SEMA4A: variants seen among roughly 807,000 people sequenced by gnomAD.
SEMA4A encodes semaphorin 4A.
Under a neutral mutation model 72.5 loss-of-function variants are expected in SEMA4A, and 52 were observed. The observed-to-expected ratio is 0.72, with a 90% CI of 0.57 to 0.90. The LOEUF (loss-of-function observed/expected upper bound fraction) is 0.90. Among genes scored for constraint, SEMA4A ranks in the 40% least tolerant of loss-of-function variants. SEMA4A has a pLI of 0.00. For synonymous variants in SEMA4A, 369 were observed against 393.1 expected (o/e 0.94, Z 0.73); for missense variants, 926 against 959.7 (o/e 0.96, Z 0.46).
At chr1:156,172,159 C>T (rs1246593290) in intron 10 of SEMA4A, among the ~76,000 whole-genome samples, 1 of 151,044 alleles carries the variant, frequency 6.6e-6, no homozygotes, top group African/African-American at 2.4e-5. Context: ...TCTCTGTCGC[C>T]CAGGTTGGAG....
intron 3 of SEMA4A, 22 bp from the exon 4 acceptor site, chr1:156,158,048 C>T (rs1490718151): frequency 6.2e-7 from 1 of 1,613,814 alleles, no homozygotes; most frequent in Non-Finnish European, 8.5e-7. Context: ...TTCATCTCGC[C>T]CTCCCAACTC....
At chr1:156,165,368 T>A in intron 10 of SEMA4A, among the ~76,000 whole-genome samples, 1 of 152,160 alleles carries the variant, frequency 6.6e-6, no homozygotes. Context: ...TTTTTCTTTT[T>A]TCTTTTCAAC....
At chr1:156,151,889 C>T (rs950160255), upstream of SEMA4A, among the ~76,000 whole-genome samples, 121 of 144,604 alleles carry the variant, frequency 8.4e-4, 1 homozygote, top group Admixed American at 8.1e-3. Flanking sequence ...TAATGCTGTG[C>T]GGTTGCCCTG....
intron 11 of SEMA4A, among the ~76,000 whole-genome samples, chr1:156,174,477 C>A (rs1655109752): frequency 6.6e-6 from 1 of 152,162 alleles, no homozygotes; most frequent in Non-Finnish European, 1.5e-5. Context: ...GCCAGGTAGA[C>A]CTCACTGAGG....
At chr1:156,162,277 A>G (rs1324047794) in intron 9 of SEMA4A, among the ~76,000 whole-genome samples, 1 of 152,222 alleles carries the variant, frequency 6.6e-6, no homozygotes, top group East Asian at 1.9e-4. Flanking sequence ...ATAAATAAAA[A>G]TAAAGTCATT....
rs1653797381 is a variant in SEMA4A, at chr1:156,162,937, T to C, written c.984-7T>C. 4 of 1,613,416 alleles carry C rather than the reference T, an allele frequency of 2.5e-6. No homozygotes were observed. The highest frequency in any genetic ancestry group is 2.5e-6 in the Non-Finnish European group (3 of 1,179,998). ...CCACAGACAATGTTCCCTCTGGCTG[T>C]CTCCAGGCAGGTTGGCGGGACCAGG... On this transcript the variant is annotated splice_region_variant and splice_polypyrimidine_tract_variant and intron_variant, in intron 9 of 14. Transcript: ENST00000368285.
Position 156,161,486 on chromosome 1 carries a change from TC to T in SEMA4A, c.955del (p.His319ThrfsTer39). 1 of 1,613,796 alleles carries T rather than the reference TC, an allele frequency of 6.2e-7. No individual in the cohort carries two copies. ...TGCTCCCCGCCGATTCTCCCACAGC[TC>T]CCCACATCTACGCAGTCTTCACCTC... ...VLLPADSPTA[P>X]HIYAVFTSQW... On this transcript the variant is annotated frameshift_variant, in exon 9 of 15. Coordinates refer to ENST00000368285, the MANE Select transcript of SEMA4A (RefSeq NM_022367.4). LOFTEE classifies it high-confidence loss of function.
intron 14 of SEMA4A, 37 bp downstream of exon 14, chr1:156,175,693 G>A (rs1013388738): frequency 1.4e-6 from 2 of 1,473,772 alleles, no homozygotes; most frequent in Non-Finnish European, 1.9e-6. Context: ...AGGTGCAAAG[G>A]CTCTGGAAGA....
At position 156,163,040 on chromosome 1, in the gene SEMA4A, A is replaced by C. The variant is rs760758800; in HGVS notation, c.1080A>C (p.Glu360Asp). ...GGAAATACAAAGAGTTGAACAAAGA[A>C]ACTTCACGCTGGACTACTTATAGGG... is the stretch of plus-strand genomic sequence containing the variant. The part of the protein sequence containing the change: ...FKGKYKELNK[E>D]TSRWTTYRGP... Residue 360 changes from glutamate (E) to aspartate (D), a missense_variant, in exon 10 of 15, where the codon GAA (glutamate) becomes GAC (aspartate). By Grantham distance (45) the Glu-to-Asp change is conservative. Transcript: ENST00000368285. 6.2e-7 allele frequency: 1 copy of C among 1,614,166 alleles called. No individual in the cohort carries two copies. The highest frequency in any genetic ancestry group is 2.2e-5 in the East Asian group (1 of 44,878).
At chr1:156,174,282 T>C (rs1655093384) in intron 11 of SEMA4A, among the ~76,000 whole-genome samples, 1 of 152,236 alleles carries the variant, frequency 6.6e-6, no homozygotes, top group Admixed American at 6.5e-5. Flanking sequence ...CAGCTGTGCA[T>C]GTATTGGGTA....
At position 156,156,619 on chromosome 1, in the gene SEMA4A, G is replaced by C; in HGVS notation, c.300+45G>C. 1.2e-6 allele frequency: 2 copies of C among 1,606,836 alleles called. 1 individual carries two copies. The highest frequency in any genetic ancestry group is 2.2e-5 in the South Asian group (2 of 90,700). ...AGAGTGTGGGCTGGGAGTGAAGAGG[G>C]GGCCGGCAGCTACCCTGGGCTTGGC... is the stretch of plus-strand genomic sequence containing the variant. On this transcript the variant is annotated intron_variant, in intron 3 of 14. Transcript: ENST00000368285.
upstream of SEMA4A, among the ~76,000 whole-genome samples, chr1:156,148,805 T>C (rs77610347): frequency 0.016 from 2,422 of 148,352 alleles, 41 homozygotes; most frequent in Admixed American, 0.042. Context: ...TTTTTTCTTT[T>C]TTTTTTTTTT....
rs1184945935 is a variant in SEMA4A at position 156,157,404 on chromosome 1, G to A, written c.301-666G>A. On this transcript the variant is annotated intron_variant, in intron 3 of 14. Transcript: ENST00000368285. The surrounding 1 kb of genome is among the most constrained non-coding windows in gnomAD (Gnocchi z 4.5). The stretch of plus-strand genomic sequence containing the variant: ...TCACCATGTTGGTCAGCCTGGTCTC[G>A]AACTCCCGACCTCAGGTGATCCATC... 2.0e-5 allele frequency among the ~76,000 whole-genome samples: 3 copies of A among 151,484 alleles called. No homozygotes were observed.
intron 10 of SEMA4A, among the ~76,000 whole-genome samples, chr1:156,169,134 T>C (rs1036953396): frequency 2.8e-4 from 42 of 152,208 alleles, no homozygotes; most frequent in African/African-American, 1.0e-3. Flanking sequence ...AAACAGACTT[T>C]CAAATAATCC....
rs1655389260 is a variant in SEMA4A, at chr1:156,176,834, G to C, written c.2123G>C (p.Arg708Thr). ...ATCATCCTCGTGGCCTCCCCATTGAGAGCACTCCGGGCTCGGGGCAAGGTT... is the reference window on the plus strand; with the variant it reads ...ATCATCCTCGTGGCCTCCCCATTGACAGCACTCCGGGCTCGGGGCAAGGTT... ...ALIILVASPL[R>T]ALRARGKVQG... Residue 708 changes from arginine to threonine, a missense_variant, in exon 15 of 15, where the codon AGA (arginine) becomes ACA (threonine). Arg to Thr is a moderately conservative substitution (Grantham distance 71, BLOSUM62 -1). Transcript: ENST00000368285. 3 of 1,614,222 alleles carry C rather than the reference G, an allele frequency of 1.9e-6. No individual in the cohort carries two copies. The highest frequency in any genetic ancestry group is 2.5e-6 in the Non-Finnish European group (3 of 1,180,020).
At position 156,168,175 on chromosome 1, in the gene SEMA4A, C is replaced by T. The variant is rs545547850; in HGVS notation, c.1135-4651C>T. On this transcript the variant is annotated intron_variant, in intron 10 of 14. Transcript: ENST00000368285. Reference sequence around the variant, plus strand: ...CTGACCTCAGGTGATCCACCCGCCTCGGCCTCCCAAAGTGCTGGGATTACA... The same window carrying T: ...CTGACCTCAGGTGATCCACCCGCCTTGGCCTCCCAAAGTGCTGGGATTACA... Among the ~76,000 whole-genome samples, 37 of 152,002 alleles carry T rather than the reference C, an allele frequency of 2.4e-4. No homozygotes were observed. The East Asian group carries it at 5.6e-3, about 23-fold the overall frequency.
intron 2 of SEMA4A, 83 bp from the exon 3 acceptor site, chr1:156,156,331 T>C (rs952111999): frequency 2.2e-6 from 3 of 1,376,698 alleles, no homozygotes; most frequent in Admixed American, 3.4e-5. Context: ...AGGCAACCCT[T>C]CCCCTTCCCC....
upstream of SEMA4A, among the ~76,000 whole-genome samples, chr1:156,147,892 C>T (rs1652225412): frequency 1.3e-5 from 2 of 152,228 alleles, no homozygotes; most frequent in Non-Finnish European, 2.9e-5. Flanking sequence ...GTCTGGGTGT[C>T]CAGCTCACTC....
intron 10 of SEMA4A, among the ~76,000 whole-genome samples, chr1:156,167,492 A>G (rs867316361): frequency 2.1e-3 from 302 of 145,788 alleles, no homozygotes; most frequent in African/African-American, 4.0e-3. Flanking sequence ...AAAAAAAAAA[A>G]AAAGAAAGAA....
Sources: allele counts gnomAD v4.1 joint callset (sites outside exome capture counted in the v4.1 genomes callset), GRCh38; gene constraint gnomAD v4.1.1; non-coding constraint Gnocchi (gnomAD v3.1); transcripts MANE v1.5; gene names NCBI Gene and HGNC (gene_info 2026-07-23, HGNC 2026-07-21).